The following TDRD3 variants were observed in gnomAD, a reference collection of about 807,000 sequenced individuals.
The protein encoded by TDRD3 is tudor domain containing 3, also known as tudor domain-containing protein 3.
Under a neutral mutation model 86.7 loss-of-function variants are expected in TDRD3, and 45 were observed. The observed-to-expected ratio is 0.52, with a 90% CI of 0.41 to 0.67. TDRD3 has a LOEUF of 0.67. Among genes scored for constraint, TDRD3 ranks in the 30% least tolerant of loss-of-function variants. The probability of loss-of-function intolerance (pLI) is 0.00; values close to 1 mark genes in which losing one functional copy is unlikely to be tolerated. For missense variants in TDRD3, 814 were observed against 889.0 expected (o/e 0.92, Z 1.07); for synonymous variants, 298 against 301.7 (o/e 0.99, Z 0.13).
chr13:60,570,535 T>C (rs1262666639), intron 13 of TDRD3, among the ~76,000 whole-genome samples: 1 of 152,236 alleles, frequency 6.6e-6, no homozygotes, highest in Non-Finnish European at 1.5e-5. Context: ...AACCACCATA[T>C]GATCCAGCAA....
chr13:60,440,606 A>G (rs1955240251), intron 2 of TDRD3, among the ~76,000 whole-genome samples: 1 of 152,000 alleles, frequency 6.6e-6, no homozygotes, highest in Non-Finnish European at 1.5e-5. Flanking sequence ...GCTTGAACCC[A>G]GGAGGTGGAG....
At chr13:60,525,563 A>C (rs978658721) in intron 10 of TDRD3, among the ~76,000 whole-genome samples, 14 of 152,186 alleles carry the variant, frequency 9.2e-5, no homozygotes, top group African/African-American at 3.4e-4. Flanking sequence ...AAGTATGTTC[A>C]TTATTAACAA....
intron 3 of TDRD3, among the ~76,000 whole-genome samples, chr13:60,458,861 A>G (rs917100547): frequency 6.6e-6 from 1 of 152,254 alleles, no homozygotes; most frequent in Non-Finnish European, 1.5e-5. Context: ...TGGGATACCA[A>G]AATAAACAGA....
chr13:60,566,760 G>A (rs1595131471), intron 12 of TDRD3, among the ~76,000 whole-genome samples: 1 of 152,066 alleles, frequency 6.6e-6, no homozygotes, highest in South Asian at 2.1e-4. Flanking sequence ...GCTGTATTTT[G>A]TTGCTTCTAA....
chr13:60,477,540 T>A (rs1301059546), intron 5 of TDRD3, among the ~76,000 whole-genome samples: 1 of 152,164 alleles, frequency 6.6e-6, no homozygotes, highest in South Asian at 2.1e-4. Context: ...TTTTGAGATA[T>A]GTTCCTTATA....
chr13:60,541,716 CTTTT>C (rs71199007), intron 12 of TDRD3, among the ~76,000 whole-genome samples: 3 of 41,032 alleles, frequency 7.3e-5, no homozygotes, highest in Non-Finnish European at 8.6e-5. Context: ...TCAGCATAGT[CTTTT>C]TTTTTTTTTT....
intron 5 of TDRD3, among the ~76,000 whole-genome samples, chr13:60,472,206 G>A (rs1210261798): frequency 1.3e-5 from 2 of 151,942 alleles, no homozygotes; most frequent in Admixed American, 1.3e-4. Context: ...TTGTATTTTG[G>A]GAATAAATCA....
At chr13:60,398,244 G>C (rs1360042481) in intron 1 of TDRD3, among the ~76,000 whole-genome samples, 2 of 152,192 alleles carry the variant, frequency 1.3e-5, no homozygotes. Flanking sequence ...GGATGAAAAA[G>C]ATTTGCAACG....
In TDRD3 at chr13:60,510,714, T is replaced by G. The variant is rs1174781800; in HGVS notation, c.1100T>G (p.Phe367Cys). ...NARPSAPSTL[F>C]DFLESKMGTL... is the part of the protein sequence containing the mutation. ...AGGCCATCAGCACCAAGCACATTATTTGATTTCTTGGAATCTAAAATGGGA... is the reference window on the plus strand; with the variant it reads ...AGGCCATCAGCACCAAGCACATTATGTGATTTCTTGGAATCTAAAATGGGA... The change falls in exon 10 of 14, where the codon TTT becomes TGT. Residue 367 changes from phenylalanine to cysteine, a missense_variant. Phe to Cys is a radical substitution (Grantham distance 205). Coordinates refer to ENST00000377881, the MANE Select transcript of TDRD3 (RefSeq NM_001146070.2). The G allele has an allele frequency of 6.3e-7, 1 of 1,593,240 alleles. No individual in the cohort carries two copies. The highest frequency in any genetic ancestry group is 8.5e-7 in the Non-Finnish European group (1 of 1,170,534).
chr13:60,543,385 A>AT (rs1957861825), intron 12 of TDRD3, among the ~76,000 whole-genome samples: 1 of 152,126 alleles, frequency 6.6e-6, no homozygotes, highest in Non-Finnish European at 1.5e-5. Flanking sequence ...ATTTAAGTAC[A>AT]TTTTTTGATT....
intron 1 of TDRD3, among the ~76,000 whole-genome samples, chr13:60,412,969 T>C (rs2137834589): frequency 6.6e-6 from 1 of 152,256 alleles, no homozygotes; most frequent in Non-Finnish European, 1.5e-5. Flanking sequence ...TTTGACTGAA[T>C]GTTTTTGTTA....
intron 5 of TDRD3, among the ~76,000 whole-genome samples, chr13:60,482,098 T>TA (rs1956330661): frequency 6.6e-6 from 1 of 152,234 alleles, no homozygotes; most frequent in South Asian, 2.1e-4. Flanking sequence ...TTGTTCAGCT[T>TA]ACAACTCTCA....
At chr13:60,504,913 A>C (rs1435430409) in intron 8 of TDRD3, among the ~76,000 whole-genome samples, 2 of 152,284 alleles carry the variant, frequency 1.3e-5, no homozygotes, top group African/African-American at 4.8e-5. Context: ...CGGCCCAGAT[A>C]CTATGCTTTT....
intron 8 of TDRD3, among the ~76,000 whole-genome samples, chr13:60,508,268 C>T (rs1298620099): frequency 1.3e-5 from 2 of 152,160 alleles, no homozygotes; most frequent in Non-Finnish European, 2.9e-5. Context: ...GAAAAAACTA[C>T]TTTAAATTTC....
chr13:60,509,568 C>A, intron 8 of TDRD3, 195 bp from the exon 9 acceptor site: 1 of 642,878 alleles, frequency 1.6e-6, no homozygotes, highest in Non-Finnish European at 2.7e-6. Flanking sequence ...AGAGAATACT[C>A]AAGGCACAAC....
intron 12 of TDRD3, among the ~76,000 whole-genome samples, chr13:60,555,855 T>TC (rs1566301586): frequency 2.0e-5 from 3 of 149,026 alleles, no homozygotes; most frequent in Admixed American, 6.7e-5. Flanking sequence ...TTTCTTTCTT[T>TC]TTTTTTTTTT....
intron 8 of TDRD3, among the ~76,000 whole-genome samples, chr13:60,502,614 T>C (rs1398847131): frequency 6.6e-6 from 1 of 152,186 alleles, no homozygotes; most frequent in Admixed American, 6.5e-5. Flanking sequence ...AGCCATGGGT[T>C]TGTATCTTCA....
At chr13:60,478,267 G>A (rs1212760971) in intron 5 of TDRD3, among the ~76,000 whole-genome samples, 5 of 107,866 alleles carry the variant, frequency 4.6e-5, no homozygotes, top group African/African-American at 7.1e-5. Context: ...TCTCTTTTTT[G>A]TTAATCTAGC....
At chr13:60,461,337 C>A (rs759124765) in intron 4 of TDRD3, among the ~76,000 whole-genome samples, 3 of 151,978 alleles carry the variant, frequency 2.0e-5, no homozygotes, top group Non-Finnish European at 4.4e-5. Context: ...TTTTCCAAAC[C>A]CTTTGTTTGG....
Sources: allele counts gnomAD v4.1 joint callset (sites outside exome capture counted in the v4.1 genomes callset), GRCh38; gene constraint gnomAD v4.1.1; transcripts MANE v1.5; gene names NCBI Gene and HGNC (gene_info 2026-07-23, HGNC 2026-07-21).